HMGA2: variants seen among roughly 807,000 people sequenced by gnomAD.
HMGA2 encodes the protein high mobility group protein HMGI-C.
HMGA2 carries 8 observed loss-of-function variants against 19.1 expected under a neutral mutation model. That is an observed-to-expected ratio of 0.42 (90% CI 0.25 to 0.76). HMGA2 has a LOEUF of 0.76. Among genes scored for constraint, HMGA2 ranks in the 30% least tolerant of loss-of-function variants. The pLI, the probability that HMGA2 is intolerant of heterozygous loss-of-function variation, is 0.28. For missense variants in HMGA2, 109 were observed against 136.3 expected (o/e 0.80, Z 1.00); for synonymous variants, 60 against 48.8 (o/e 1.23, Z -0.96).
intron 3 of HMGA2, among the ~76,000 whole-genome samples, chr12:65,915,992 A>G (rs1172737360): frequency 6.6e-6 from 1 of 152,126 alleles, no homozygotes; most frequent in Non-Finnish European, 1.5e-5. Flanking sequence ...GTCTTAAATA[A>G]TCTACACACT....
At chr12:65,898,563 C>T (rs148507315) in intron 3 of HMGA2, among the ~76,000 whole-genome samples, 48 of 152,248 alleles carry the variant, frequency 3.2e-4, no homozygotes, top group African/African-American at 1.1e-3. Context: ...ATCTGATATT[C>T]ACATGTTTCA....
chr12:65,936,974 A>C (rs1875917673), intron 3 of HMGA2, among the ~76,000 whole-genome samples: 1 of 151,888 alleles, frequency 6.6e-6, no homozygotes, highest in African/African-American at 2.4e-5. Context: ...TCACCTCCTA[A>C]CCCTTACAAA....
chr12:65,929,296 T>C (rs1460266764), intron 3 of HMGA2, among the ~76,000 whole-genome samples: 1 of 152,104 alleles, frequency 6.6e-6, no homozygotes, highest in Non-Finnish European at 1.5e-5. Flanking sequence ...CGGAGTTTTG[T>C]TTTGTTTGTT....
intron 3 of HMGA2, chr12:65,915,241 A>C: frequency 6.4e-7 from 1 of 1,569,550 alleles, no homozygotes; most frequent in Non-Finnish European, 8.6e-7. Flanking sequence ...GAAACCTATC[A>C]GGTGTCTTTT....
chr12:65,919,148 C>T (rs559918484), intron 3 of HMGA2, among the ~76,000 whole-genome samples: 26 of 152,262 alleles, frequency 1.7e-4, no homozygotes, highest in Admixed American at 6.5e-4. Flanking sequence ...GGGAACATTG[C>T]GCAGCATAGA....
intron 3 of HMGA2, chr12:65,881,463 A>C (rs1873381492): frequency 4.2e-6 from 2 of 481,664 alleles, no homozygotes; most frequent in South Asian, 3.8e-5. Flanking sequence ...GCTAAAAAAA[A>C]CCCTTAAAGG....
chr12:65,910,060 G>A lies in HMGA2; in HGVS notation c.250-41323G>A, dbSNP rs541067149. Among the ~76,000 whole-genome samples the A allele has an allele frequency of 2.0e-5, 3 of 152,296 alleles. No individual in the cohort carries two copies. The East Asian group carries it at 5.8e-4, about 29-fold the overall frequency. On this transcript the variant is annotated intron_variant, in intron 3 of 4. Coordinates refer to ENST00000403681, the MANE Select transcript of HMGA2 (RefSeq NM_003483.6). Reference sequence around the variant, plus strand: ...ATATTGAAAAGAGGTAGAGAGGAAGGAAGGAGAGAGAGCATACACTAGAGA... The same window carrying A: ...ATATTGAAAAGAGGTAGAGAGGAAGAAAGGAGAGAGAGCATACACTAGAGA...
intron 3 of HMGA2, among the ~76,000 whole-genome samples, chr12:65,899,043 C>CAAAAAA (rs751128412): frequency 3.2e-4 from 8 of 25,348 alleles, no homozygotes; most frequent in African/African-American, 6.3e-4. Flanking sequence ...GACTCCGTCT[C>CAAAAAA]AAAAAAAAAA....
chr12:65,892,544 G>A (rs1445106887), intron 3 of HMGA2, among the ~76,000 whole-genome samples: 1 of 152,040 alleles, frequency 6.6e-6, no homozygotes, highest in Non-Finnish European at 1.5e-5. Flanking sequence ...CCTGAAACTT[G>A]TTAGACATTT....
rs142334795 is a variant in HMGA2, at chr12:65,878,664, C to G, written c.249+40095C>G. On this transcript the variant is annotated intron_variant, in intron 3 of 4. Coordinates refer to ENST00000403681, the MANE Select transcript of HMGA2 (RefSeq NM_003483.6). The stretch of plus-strand genomic sequence containing the variant: ...AGTTCTGCCTTTGCTTTTTTCCCAA[C>G]TTGGAATCTACTCTGGTTTCCAGAA... Among the ~76,000 whole-genome samples the G allele has an allele frequency of 7.6e-3, 1,154 of 152,274 alleles. 13 individuals are homozygous for G. Among genetic ancestry groups the G allele is most frequent in the Non-Finnish European group, 0.01 (700 of 68,028 alleles).
chr12:65,925,974 T>A lies in HMGA2; in HGVS notation c.250-25409T>A, dbSNP rs1399681820. Among the ~76,000 whole-genome samples the A allele has an allele frequency of 3.3e-5, 5 of 152,376 alleles. No homozygotes were observed. The East Asian group carries it at 5.8e-4, about 18-fold the overall frequency. On this transcript the variant is annotated intron_variant, in intron 3 of 4. Coordinates refer to ENST00000403681, the MANE Select transcript of HMGA2 (RefSeq NM_003483.6). Reference sequence around the variant, plus strand: ...TTGAGAGGGGGTATATTATGCATCCTCTTTCCATTAAGTCTATTTTTGGAA... The same window carrying A: ...TTGAGAGGGGGTATATTATGCATCCACTTTCCATTAAGTCTATTTTTGGAA...
At chr12:65,919,144 A>G (rs1227264668) in intron 3 of HMGA2, among the ~76,000 whole-genome samples, 1 of 152,218 alleles carries the variant, frequency 6.6e-6, no homozygotes, top group Non-Finnish European at 1.5e-5. Context: ...CTTTGGGAAC[A>G]TTGCGCAGCA....
chr12:65,843,784 C>A (rs957572764), intron 3 of HMGA2, among the ~76,000 whole-genome samples: 2 of 152,092 alleles, frequency 1.3e-5, no homozygotes, highest in Non-Finnish European at 2.9e-5. Flanking sequence ...CATGGTGGCT[C>A]ATGCCTGTAA....
intron 3 of HMGA2, among the ~76,000 whole-genome samples, chr12:65,948,880 A>C (rs1298829858): frequency 6.6e-6 from 1 of 152,200 alleles, no homozygotes; most frequent in African/African-American, 2.4e-5. Context: ...TGCAGTGTGC[A>C]GGAGTCACAT....
chr12:65,882,148 CGGCGAGGTCTTGCG>C (rs1364698345), intron 3 of HMGA2: 1 of 409,194 alleles, frequency 2.4e-6, no homozygotes, highest in African/African-American at 2.0e-5. Context: ...GCTGGGCAGG[CGGCGAGGTCTTGCG>C]GGCTGGCCTT....
intron 3 of HMGA2, among the ~76,000 whole-genome samples, chr12:65,933,907 A>G (rs1875804440): frequency 6.6e-6 from 1 of 152,174 alleles, no homozygotes; most frequent in African/African-American, 2.4e-5. Context: ...ACGTAGACCA[A>G]TTTTATCACT....
intron 3 of HMGA2, among the ~76,000 whole-genome samples, chr12:65,860,583 T>G (rs1872004850): frequency 6.6e-6 from 1 of 152,248 alleles, no homozygotes; most frequent in Admixed American, 6.5e-5. Flanking sequence ...AACCTAGGAC[T>G]GTGGTATACA....
chr12:65,895,008 A>G (rs1329897331), intron 3 of HMGA2, among the ~76,000 whole-genome samples: 1 of 152,212 alleles, frequency 6.6e-6, no homozygotes, highest in Non-Finnish European at 1.5e-5. Flanking sequence ...CGGTACCAGT[A>G]AAACAGCATT....
Position 65,965,888 on chromosome 12 carries a change from A to G in HMGA2, c.*2596A>G, listed in dbSNP as rs542466968. ...TTGTGGCCAATGGAACAGTAAGAAC[A>G]TCATAAAATTTTTATATATATAGTT... is the stretch of plus-strand genomic sequence containing the variant. On this transcript the variant is annotated 3_prime_UTR_variant, in exon 5 of 5. Transcript: ENST00000403681. The G allele has an allele frequency of 6.0e-5, 13 of 215,072 alleles. No individual in the cohort carries two copies. The South Asian group carries it at 2.2e-3, about 37-fold the overall frequency. The allele number at this position is 215,072 out of a possible 1,614,324, so 13.3% of individuals were successfully genotyped here.
Sources: allele counts gnomAD v4.1 joint callset (sites outside exome capture counted in the v4.1 genomes callset), GRCh38; gene constraint gnomAD v4.1.1; transcripts MANE v1.5; gene names NCBI Gene and HGNC (gene_info 2026-07-23, HGNC 2026-07-21).